Variants in SRA1 observed in about 807,000 individuals in gnomAD.
SRA1 encodes the protein lncRNA SRA.
In SRA1, 25 loss-of-function variants were observed where a neutral mutation model predicts 24.3. The observed-to-expected ratio is 1.03, with a 90% CI of 0.75 to 1.43. The LOEUF (loss-of-function observed/expected upper bound fraction) is 1.43, where lower values mean the gene tolerates loss of function less well. Ranked by LOEUF, SRA1 falls within the 40% of genes most tolerant of loss-of-function variation. The pLI is 0.00. For missense variants in SRA1, 303 were observed against 286.6 expected, an observed-to-expected ratio of 1.06 and a Z score of -0.41; for synonymous variants, 104 against 109.5, an observed-to-expected ratio of 0.95 and a Z score of 0.31.
rs1426630658 is a variant in SRA1, at chr5:140,550,645, C to T, written c.*55G>A. 41 of 1,559,278 alleles carry T rather than the reference C, an allele frequency of 2.6e-5. No individual in the cohort carries two copies. The highest frequency in any genetic ancestry group is 3.2e-5 in the Non-Finnish European group (36 of 1,131,082). ...TGGTGGTAAGAAGGGAGCCAAGTGA[C>T]AGAAGGTCTCCAAGGCATAGGAGAT... On this transcript the variant is annotated 3_prime_UTR_variant, in exon 5 of 5. Transcript: ENST00000336283.
chr5:140,552,789 G>C (rs1754601165), intron 2 of SRA1, among the ~76,000 whole-genome samples: 1 of 152,092 alleles, frequency 6.6e-6, no homozygotes, highest in South Asian at 2.1e-4. Flanking sequence ...ACGCAATATA[G>C]TGAGACCTCA....
chr5:140,554,358 C>T (rs1392651622), intron 2 of SRA1, among the ~76,000 whole-genome samples: 1 of 152,152 alleles, frequency 6.6e-6, no homozygotes, highest in Non-Finnish European at 1.5e-5. Flanking sequence ...CAGAACTTCT[C>T]TTCCTTTCCT....
At chr5:140,555,852 A>G (rs1754680612) in intron 2 of SRA1, among the ~76,000 whole-genome samples, 1 of 151,808 alleles carries the variant, frequency 6.6e-6, no homozygotes, top group South Asian at 2.1e-4. Context: ...TCTCCATCTC[A>G]TATCCATCCA....
upstream of SRA1, chr5:140,557,513 C>A: frequency 1.3e-6 from 2 of 1,528,714 alleles, no homozygotes; most frequent in Non-Finnish European, 8.8e-7. Context: ...CTCACGCGGG[C>A]CAGTTGAGAC....
chr5:140,557,423 C>T lies in SRA1; in HGVS notation c.25+5G>A, dbSNP rs754935099. The T allele has an allele frequency of 8.9e-6, 14 of 1,575,242 alleles. No homozygotes were observed. The highest frequency in any genetic ancestry group is 1.4e-5 in the African/African-American group (1 of 74,014). Reference sequence around the variant, plus strand: ...CTAGTGCCCTAGCCCGCCGGCTGCGCTCACCCGGCTTCACGTACAGCTCCG... The same window carrying T: ...CTAGTGCCCTAGCCCGCCGGCTGCGTTCACCCGGCTTCACGTACAGCTCCG... On this transcript the variant is annotated splice_donor_5th_base_variant and intron_variant, in intron 1 of 4. Coordinates refer to ENST00000336283, the MANE Select transcript of SRA1 (RefSeq NM_001035235.4).
chr5:140,550,194 T>C lies in SRA1; in HGVS notation c.*506A>G, dbSNP rs1754502035. On this transcript the variant is annotated 3_prime_UTR_variant, in exon 5 of 5. Transcript: ENST00000336283. The stretch of plus-strand genomic sequence containing the variant: ...TTCTAATCTCTGTAACAGTAGTATC[T>C]CAAGGGTGATACAGTGCAAATAGGA... 1 of 163,454 alleles carries C rather than the reference T, an allele frequency of 6.1e-6. No homozygotes were observed. The highest frequency in any genetic ancestry group is 2.4e-5 in the African/African-American group (1 of 41,612). The allele number at this position is 163,454 out of a possible 1,614,324, so 10.1% of individuals were successfully genotyped here. A position where few individuals can be genotyped will look rare whatever the true frequency, so the allele number is the denominator to read the frequency against.
At position 140,550,741 on chromosome 5, in the gene SRA1, C is replaced by T; in HGVS notation, c.634G>A (p.Glu212Lys). Residue 212 changes from glutamate to lysine, a missense_variant, in exon 5 of 5, where the codon GAG (glutamate) becomes AAG (lysine). By Grantham distance (56) the Glu-to-Lys change is moderately conservative. Transcript: ENST00000336283. ...AAGCCTGGTATGGTATGGTTCTTCT[C>T]AGCTGTGGCTGCAGATTTCTCTTCA... ...ANEEKSAATA[E>K]KNHTIPGFQQ... 2.5e-6 allele frequency: 4 copies of T among 1,614,144 alleles called. No individual in the cohort carries two copies. Among genetic ancestry groups the T allele is most frequent in the Non-Finnish European group, 2.5e-6 (3 of 1,180,024 alleles).
In SRA1 at chr5:140,550,385, C is replaced by A; in HGVS notation, c.*315G>T. The A allele has an allele frequency of 2.5e-6, 1 of 393,212 alleles. No individual in the cohort carries two copies. The highest frequency in any genetic ancestry group is 4.7e-6 in the Non-Finnish European group (1 of 212,724). 24.4% of individuals were successfully genotyped at this position (393,212 alleles called of 1,614,324 possible). On this transcript the variant is annotated 3_prime_UTR_variant, in exon 5 of 5. Transcript: ENST00000336283. ...GTAGTCTGACTTTACCCAGCAGATC[C>A]CTTCCTGATGAATGGAGAAGGGAGA...
In SRA1 at chr5:140,550,619, G is replaced by A. The variant is rs972651527; in HGVS notation, c.*81C>T. 1.8e-5 allele frequency: 25 copies of A among 1,395,556 alleles called. No homozygotes were observed. In the African/African-American group the frequency reaches 3.3e-4, roughly 18 times the overall value. 86.4% of individuals were successfully genotyped at this position (1,395,556 alleles called of 1,614,324 possible). A position where few individuals can be genotyped will look rare whatever the true frequency, so the allele number is the denominator to read the frequency against. On this transcript the variant is annotated 3_prime_UTR_variant, in exon 5 of 5. Coordinates refer to ENST00000336283, the MANE Select transcript of SRA1 (RefSeq NM_001035235.4). ...GGTCAGGCCCAGTGGGACAGTCTTG[G>A]TGGTGGTAAGAAGGGAGCCAAGTGA...
At chr5:140,553,996 C>G (rs1581398342) in intron 2 of SRA1, among the ~76,000 whole-genome samples, 1 of 152,288 alleles carries the variant, frequency 6.6e-6, no homozygotes, top group Middle Eastern at 3.4e-3. Flanking sequence ...ATGATTAATT[C>G]ATCTAATAAT....
Position 140,552,060 on chromosome 5 carries a change from T to G in SRA1, c.276A>C (p.Pro92=), listed in dbSNP as rs1267136475. The change falls in exon 3 of 5, where the codon CCA becomes CCC. Residue 92 remains proline (P), a synonymous_variant. Transcript: ENST00000336283. ...PASGVEPTSF[P]VESEAVMEDV... ...CCTCCATCACAGCCTCAGACTCGACTGGGAAACTTGTGGGCTCCACGCCAG... is the reference window on the plus strand; with the variant it reads ...CCTCCATCACAGCCTCAGACTCGACGGGGAAACTTGTGGGCTCCACGCCAG... 30 of 1,614,032 alleles carry G rather than the reference T, an allele frequency of 1.9e-5. No homozygotes were observed. Among genetic ancestry groups the G allele is most frequent in the Non-Finnish European group, 2.3e-5 (27 of 1,179,962 alleles).
chr5:140,550,616 TTGG>T lies in SRA1; in HGVS notation c.*81_*83del, dbSNP rs1205207068. On this transcript the variant is annotated 3_prime_UTR_variant, in exon 5 of 5. Coordinates refer to ENST00000336283, the MANE Select transcript of SRA1 (RefSeq NM_001035235.4). ...GTGGGTCAGGCCCAGTGGGACAGTC[TTGG>T]TGGTGGTAAGAAGGGAGCCAAGTGA... is the stretch of plus-strand genomic sequence containing the variant. 7 of 1,374,912 alleles carry T rather than the reference TTGG, an allele frequency of 5.1e-6. No homozygotes were observed. In the African/African-American group the frequency reaches 7.2e-5, roughly 14 times the overall value. 85.2% of individuals were successfully genotyped at this position (1,374,912 alleles called of 1,614,324 possible).
Position 140,551,052 on chromosome 5 carries a change from C to T in SRA1, c.463+9G>A. 1.2e-6 allele frequency: 2 copies of T among 1,609,838 alleles called. No homozygotes were observed. The highest frequency in any genetic ancestry group is 1.3e-5 in the African/African-American group (1 of 74,960). On this transcript the variant is annotated intron_variant, in intron 4 of 4. Coordinates refer to ENST00000336283, the MANE Select transcript of SRA1 (RefSeq NM_001035235.4). ...GGGATTTAGGCTATACCAAAGAACC[C>T]ACCCATACCTTGCACCAGTAGAGCC...
intron 2 of SRA1, among the ~76,000 whole-genome samples, chr5:140,553,937 T>G (rs1189789798): frequency 6.6e-6 from 1 of 152,188 alleles, no homozygotes; most frequent in Non-Finnish European, 1.5e-5. Flanking sequence ...GAAAGAAGAC[T>G]GGAAGACAAA....
chr5:140,554,077 CT>C (rs942808365), intron 2 of SRA1, among the ~76,000 whole-genome samples: 7 of 152,304 alleles, frequency 4.6e-5, no homozygotes, highest in Middle Eastern at 3.4e-3. Context: ...TGTCATCCCC[CT>C]GCCTTGTTCA....
intron 2 of SRA1, among the ~76,000 whole-genome samples, chr5:140,553,530 T>G (rs1177953240): frequency 6.6e-6 from 1 of 152,150 alleles, no homozygotes; most frequent in Non-Finnish European, 1.5e-5. Flanking sequence ...TTATTACCAC[T>G]GAAGAAAGTA....
chr5:140,557,494 G>A (rs201105057), upstream of SRA1: 10 of 1,543,698 alleles, frequency 6.5e-6, no homozygotes, highest in South Asian at 1.1e-4. Flanking sequence ...GTCATTTCCG[G>A]GGCGGCCCCT....
chr5:140,557,293 TGA>T, intron 1 of SRA1, 21 bp from the exon 2 acceptor site: 2 of 1,608,846 alleles, frequency 1.2e-6, no homozygotes, highest in Non-Finnish European at 1.7e-6. Flanking sequence ...GAGGGATGTG[TGA>T]AGCGAGCCCG....
At chr5:140,557,525 C>G, upstream of SRA1, 1 of 1,503,256 alleles carries the variant, frequency 6.7e-7, no homozygotes, top group African/African-American at 1.4e-5. Context: ...AGTTGAGACA[C>G]GTCCAGGGCC....
Sources: gnomAD v4.1 joint callset for allele counts (sites outside exome capture counted in the v4.1 genomes callset) on GRCh38, gnomAD v4.1.1 for gene constraint, MANE v1.5 for transcripts, NCBI Gene and HGNC (gene_info 2026-07-23, HGNC 2026-07-21) for gene names.